IFT81: variants seen among roughly 807,000 people sequenced by gnomAD.
The protein encoded by IFT81 is intraflagellar transport 81, also known as intraflagellar transport protein 81 homolog.
IFT81 carries 72 observed loss-of-function variants against 102.6 expected under a neutral mutation model. The observed-to-expected ratio is 0.70, with a 90% CI of 0.58 to 0.85. IFT81 has a LOEUF of 0.85. IFT81 is among the 40% of genes least tolerant of loss of function. The pLI is 0.00. For missense variants in IFT81, 723 were observed against 787.3 expected (o/e 0.92, Z 0.98); for synonymous variants, 237 against 242.7 (o/e 0.98, Z 0.22).
chr12:110,127,943 A>T (rs1156431989), intron 2 of IFT81, 103 bp from the exon 3 acceptor site: 1 of 768,602 alleles, frequency 1.3e-6, no homozygotes, highest in Non-Finnish European at 2.2e-6. Context: ...TGAAGAGACC[A>T]TTGTGCTGTT....
In IFT81 at chr12:110,213,122, G is replaced by A. The variant is rs141223428; in HGVS notation, c.1848+3906G>A. 5.4e-3 allele frequency among the ~76,000 whole-genome samples: 814 copies of A among 152,092 alleles called. 8 individuals carry two copies. The highest frequency in any genetic ancestry group is 0.018 in the African/African-American group (765 of 41,504). On this transcript the variant is annotated intron_variant, in intron 18 of 18. Coordinates refer to ENST00000242591, the MANE Select transcript of IFT81 (RefSeq NM_014055.4). The stretch of plus-strand genomic sequence containing the variant: ...ACCGAAAAGAATTTAAAATAATTAC[G>A]TAACATCCAATACCCAATGTTCAAA...
chr12:110,132,330 C>T (rs1389353283), intron 4 of IFT81, among the ~76,000 whole-genome samples: 1 of 151,782 alleles, frequency 6.6e-6, no homozygotes, highest in Non-Finnish European at 1.5e-5. Flanking sequence ...CGTGGTGGCG[C>T]GCGCATGTAA....
intron 2 of IFT81, among the ~76,000 whole-genome samples, 191 bp from the exon 3 acceptor site, chr12:110,127,855 A>G (rs889803290): frequency 6.6e-6 from 1 of 152,170 alleles, no homozygotes; most frequent in African/African-American, 2.4e-5. Context: ...GAAGCTTAAC[A>G]TTCTTAATGT....
chr12:110,174,874 G>A (rs1329818772), intron 11 of IFT81, among the ~76,000 whole-genome samples: 1 of 152,188 alleles, frequency 6.6e-6, no homozygotes, highest in Admixed American at 6.5e-5. Context: ...CCAGAAGCTA[G>A]CACTATAAAG....
intron 14 of IFT81, among the ~76,000 whole-genome samples, chr12:110,200,423 G>A (rs1898207734): frequency 6.6e-6 from 1 of 152,142 alleles, no homozygotes; most frequent in South Asian, 2.1e-4. Context: ...AAAAGGTACA[G>A]TAAAATTATG....
chr12:110,215,523 A>G (rs1869990581), intron 18 of IFT81, among the ~76,000 whole-genome samples: 1 of 118,974 alleles, frequency 8.4e-6, no homozygotes, highest in Admixed American at 1.2e-4. Context: ...GTGTAATGGC[A>G]TGGTCACAGC....
chr12:110,134,424 G>A lies in IFT81; in HGVS notation c.520-524G>A, dbSNP rs78374981. Among the ~76,000 whole-genome samples, 768 of 152,188 alleles carry A rather than the reference G, an allele frequency of 5.0e-3. 11 individuals carry two copies. Among genetic ancestry groups the A allele is most frequent in the African/African-American group, 0.018 (746 of 41,526 alleles). ...CAAAATACTATGAAGCTGGTTAACA[G>A]GAAGGAAGTTTATTTTTGAAGTCTT... On this transcript the variant is annotated intron_variant, in intron 5 of 18. Coordinates refer to ENST00000242591, the MANE Select transcript of IFT81 (RefSeq NM_014055.4).
At chr12:110,147,339 A>G (rs954241400) in intron 10 of IFT81, among the ~76,000 whole-genome samples, 1 of 152,212 alleles carries the variant, frequency 6.6e-6, no homozygotes, top group Non-Finnish European at 1.5e-5. Context: ...TTTAAAATGA[A>G]AACTTACCTT....
intron 8 of IFT81, among the ~76,000 whole-genome samples, chr12:110,138,710 G>A (rs1207700381): frequency 6.6e-6 from 1 of 152,190 alleles, no homozygotes; most frequent in African/African-American, 2.4e-5. Flanking sequence ...TAGGATTATA[G>A]GCGTAAGCCA....
chr12:110,176,997 A>G (rs968834007), intron 11 of IFT81, among the ~76,000 whole-genome samples: 3 of 152,232 alleles, frequency 2.0e-5, no homozygotes, highest in Non-Finnish European at 2.9e-5. Context: ...TAGCATATAT[A>G]GTTACTCTAG....
chr12:110,144,659 T>C (rs995470275), intron 9 of IFT81, among the ~76,000 whole-genome samples: 3 of 151,308 alleles, frequency 2.0e-5, no homozygotes, highest in African/African-American at 7.3e-5. Context: ...TACAGATATG[T>C]GCCACCATGC....
intron 14 of IFT81, among the ~76,000 whole-genome samples, chr12:110,202,424 A>G (rs946579893): frequency 6.6e-6 from 1 of 151,952 alleles, no homozygotes; most frequent in Admixed American, 6.6e-5. Flanking sequence ...CAATAAAGAA[A>G]CTGCTTAACC....
intron 11 of IFT81, among the ~76,000 whole-genome samples, chr12:110,174,955 T>C (rs1351590822): frequency 6.6e-6 from 1 of 152,178 alleles, no homozygotes; most frequent in Admixed American, 6.5e-5. Context: ...GAGTACTCTC[T>C]CAGCACCTGC....
chr12:110,158,777 G>A lies in IFT81; in HGVS notation c.1042-4142G>A, dbSNP rs184257845. 2.5e-3 allele frequency among the ~76,000 whole-genome samples: 377 copies of A among 152,038 alleles called. 1 individual carries two copies. Among genetic ancestry groups the A allele is most frequent in the African/African-American group, 8.7e-3 (361 of 41,460 alleles). On this transcript the variant is annotated intron_variant, in intron 10 of 18. Coordinates refer to ENST00000242591, the MANE Select transcript of IFT81 (RefSeq NM_014055.4). The stretch of plus-strand genomic sequence containing the variant: ...TCTAATTTTTTGTATTTTAATTAGA[G>A]ACAGGGTTTCACCTGTTAGCCAGGA...
At chr12:110,134,689 G>A (rs1894376366) in intron 5 of IFT81, among the ~76,000 whole-genome samples, 1 of 152,138 alleles carries the variant, frequency 6.6e-6, no homozygotes, top group African/African-American at 2.4e-5. Flanking sequence ...AAATGTGCTG[G>A]TTGGCAGCTT....
At chr12:110,166,126 G>A (rs1018124625) in intron 11 of IFT81, among the ~76,000 whole-genome samples, 1 of 152,124 alleles carries the variant, frequency 6.6e-6, no homozygotes, top group African/African-American at 2.4e-5. Flanking sequence ...ATTATTTTGA[G>A]GATTAATTGA....
intron 1 of IFT81, among the ~76,000 whole-genome samples, chr12:110,125,692 GCAGCAA>G (rs1445644226): frequency 1.3e-5 from 2 of 152,214 alleles, no homozygotes; most frequent in Non-Finnish European, 2.9e-5. Flanking sequence ...ACAGCTCCCG[GCAGCAA>G]CTCATTGCTT....
At chr12:110,172,506 C>G (rs1057433861) in intron 11 of IFT81, among the ~76,000 whole-genome samples, 12 of 152,210 alleles carry the variant, frequency 7.9e-5, no homozygotes, top group African/African-American at 2.9e-4. Flanking sequence ...CCTGCCTCAG[C>G]CTGCCGAGTG....
intron 9 of IFT81, among the ~76,000 whole-genome samples, chr12:110,145,096 G>C (rs1895141650): frequency 7.2e-6 from 1 of 139,452 alleles, no homozygotes; most frequent in African/African-American, 2.7e-5. Context: ...TCAGTGACAT[G>C]ATCACAGCTC....
Sources: gnomAD v4.1 joint callset for allele counts (sites outside exome capture counted in the v4.1 genomes callset) on GRCh38, gnomAD v4.1.1 for gene constraint, MANE v1.5 for transcripts, NCBI Gene and HGNC (gene_info 2026-07-23, HGNC 2026-07-21) for gene names.